TNRC6B: variants seen among roughly 807,000 people sequenced by gnomAD.
The protein encoded by TNRC6B is trinucleotide repeat containing adaptor 6B, also known as trinucleotide repeat-containing gene 6B protein.
A neutral mutation model predicts 203.6 loss-of-function variants in TNRC6B; 52 were observed. That is an observed-to-expected ratio of 0.26 (90% confidence interval 0.20 to 0.32). The LOEUF is 0.32. Ranked by LOEUF, TNRC6B falls within the 10% of genes least tolerant of loss-of-function variation. TNRC6B has a pLI of 1.00. For synonymous variants in TNRC6B, 838 were observed against 845.7 expected, an observed-to-expected ratio of 0.99 and a Z score of 0.16; for missense variants, 1,923 against 2,286.2, an observed-to-expected ratio of 0.84 and a Z score of 3.24.
chr22:40,228,234 C>G (rs1364184029), intron 1 of TNRC6B, among the ~76,000 whole-genome samples: 2 of 152,054 alleles, frequency 1.3e-5, no homozygotes, highest in East Asian at 3.9e-4. Context: ...TTGAGACCAG[C>G]CTGGCCAACA....
At chr22:40,162,549 T>G (rs975733170) in intron 4 of TNRC6B, among the ~76,000 whole-genome samples, 1 of 152,238 alleles carries the variant, frequency 6.6e-6, no homozygotes, top group Non-Finnish European at 1.5e-5. Flanking sequence ...TCATAGATTT[T>G]ATAGATAATC....
chr22:40,096,180 G>A (rs936868530), intron 1 of TNRC6B, among the ~76,000 whole-genome samples: 1 of 152,136 alleles, frequency 6.6e-6, no homozygotes, highest in Non-Finnish European at 1.5e-5. Flanking sequence ...AAAACTTTAT[G>A]AGACTTCAGA....
chr22:40,186,737 CAA>C (rs540875411), intron 1 of TNRC6B, among the ~76,000 whole-genome samples: 7 of 121,970 alleles, frequency 5.7e-5, no homozygotes, highest in Non-Finnish European at 1.7e-5. Context: ...GACTCCATCT[CAA>C]AAAAAAAAAA....
Position 40,265,383 on chromosome 22 carries a change from T to C in TNRC6B, c.1153T>C (p.Ser385Pro), listed in dbSNP as rs1180909188. The change falls in exon 5 of 23, where the codon TCA becomes CCA. Residue 385 changes from serine to proline, a missense_variant. Coordinates refer to ENST00000454349, the MANE Select transcript of TNRC6B (RefSeq NM_001162501.2). ...AAACACTAACTCCTTGAACTTAAGT[T>C]CACCAAACCCCATGGAGAATAAGGG... ...NGNTNSLNLS[S>P]PNPMENKGMP... is the part of the protein sequence containing the mutation. The C allele has an allele frequency of 1.2e-6, 2 of 1,613,846 alleles. No individual in the cohort carries two copies. The highest frequency in any genetic ancestry group is 1.7e-6 in the Non-Finnish European group (2 of 1,179,888).
chr22:40,072,575 T>G (rs2067960721), intron 1 of TNRC6B, among the ~76,000 whole-genome samples: 1 of 152,098 alleles, frequency 6.6e-6, no homozygotes, highest in Admixed American at 6.6e-5. Flanking sequence ...AGTCAAGAAC[T>G]GTCTTTGGCC....
Position 40,264,778 on chromosome 22 carries a change from C to T in TNRC6B, c.548C>T (p.Pro183Leu). The T allele has an allele frequency of 6.2e-7, 1 of 1,613,902 alleles. No individual in the cohort carries two copies. Among genetic ancestry groups the T allele is most frequent in the Non-Finnish European group, 8.5e-7 (1 of 1,179,852 alleles). Residue 183 changes from proline (P) to leucine (L), a missense_variant, in exon 5 of 23, where the codon CCA becomes CTA. By Grantham distance (98) the Pro-to-Leu change is moderately conservative. This residue lies in a region of TNRC6B where 614 missense variants were observed against 587.7 expected (regional missense o/e 1.04). Coordinates refer to ENST00000454349, the MANE Select transcript of TNRC6B (RefSeq NM_001162501.2). ...TCCAACAACGGCACCTCCCCCAACC[C>T]AATTCACATCTGGGACAAGGTGATT... ...ASSNNGTSPN[P>L]IHIWDKVIVD...
At chr22:40,187,035 TAA>T (rs896020867) in intron 1 of TNRC6B, among the ~76,000 whole-genome samples, 13 of 152,196 alleles carry the variant, frequency 8.5e-5, no homozygotes, top group African/African-American at 2.9e-4. Context: ...TTTCCAAACA[TAA>T]AAAAGTTTTC....
chr22:40,166,209 G>A (rs533525897), intron 4 of TNRC6B, among the ~76,000 whole-genome samples: 2 of 152,176 alleles, frequency 1.3e-5, no homozygotes, highest in Non-Finnish European at 2.9e-5. Flanking sequence ...TCCGGCTTTT[G>A]TGGGAATACT....
At chr22:40,088,367 A>T (rs146228682) in intron 1 of TNRC6B, among the ~76,000 whole-genome samples, 1 of 152,162 alleles carries the variant, frequency 6.6e-6, no homozygotes, top group African/African-American at 2.4e-5. Flanking sequence ...GAGCTTCTAC[A>T]TATTTTGATC....
At chr22:40,277,865 A>G (rs766009788) in intron 8 of TNRC6B, 134 bp from the exon 9 acceptor site, 5 of 681,926 alleles carry the variant, frequency 7.3e-6, no homozygotes, top group African/African-American at 7.1e-5. Flanking sequence ...TAATGTCTTC[A>G]GTACCATCAA....
chr22:40,198,862 G>A (rs911392401), intron 1 of TNRC6B, among the ~76,000 whole-genome samples: 1 of 152,096 alleles, frequency 6.6e-6, no homozygotes, highest in African/African-American at 2.4e-5. Flanking sequence ...AGTAGAGGGG[G>A]AGGGTGCCTG....
At chr22:40,200,392 T>C (rs2069396768) in intron 1 of TNRC6B, among the ~76,000 whole-genome samples, 1 of 144,318 alleles carries the variant, frequency 6.9e-6, no homozygotes, top group Admixed American at 7.2e-5. Context: ...GTTCAAGCGT[T>C]TCTCCTGCCT....
chr22:40,057,924 G>T (rs1022311871), intron 1 of TNRC6B, among the ~76,000 whole-genome samples: 2 of 152,190 alleles, frequency 1.3e-5, no homozygotes, highest in African/African-American at 4.8e-5. Flanking sequence ...AGACTTTCCT[G>T]TTAGATGTAC....
chr22:40,258,921 T>C (rs2070328757), intron 3 of TNRC6B, among the ~76,000 whole-genome samples: 1 of 152,162 alleles, frequency 6.6e-6, no homozygotes, highest in Non-Finnish European at 1.5e-5. Flanking sequence ...TTTTTCTGGA[T>C]TGAGTTAAAA....
At chr22:40,237,719 A>ATG (rs2069966793) in intron 1 of TNRC6B, among the ~76,000 whole-genome samples, 1 of 152,262 alleles carries the variant, frequency 6.6e-6, no homozygotes, top group East Asian at 1.9e-4. Flanking sequence ...CTCATCTCCC[A>ATG]GATGGCTTTC....
chr22:40,158,792 G>A (rs135631), intron 4 of TNRC6B, among the ~76,000 whole-genome samples: 152,216 of 152,352 alleles, frequency 1, 76,040 homozygotes, highest in African/African-American at 1. Flanking sequence ...GCAGAAATCA[G>A]TCGTCTCACA....
intron 12 of TNRC6B, among the ~76,000 whole-genome samples, chr22:40,299,029 CTT>C: frequency 6.6e-6 from 1 of 150,438 alleles, no homozygotes; most frequent in East Asian, 2.0e-4. Flanking sequence ...AATCACAACA[CTT>C]TGAGAGGATG....
chr22:40,204,019 T>G (rs1432292038), intron 1 of TNRC6B, among the ~76,000 whole-genome samples: 1 of 152,218 alleles, frequency 6.6e-6, no homozygotes, highest in Non-Finnish European at 1.5e-5. Context: ...TTTTCATCCC[T>G]ATTCGCTTCT....
At chr22:40,152,560 C>G (rs1486339480) in intron 3 of TNRC6B, among the ~76,000 whole-genome samples, 1 of 152,070 alleles carries the variant, frequency 6.6e-6, no homozygotes, top group Non-Finnish European at 1.5e-5. Flanking sequence ...GATCTCCTGA[C>G]CTTGTGATCC....
Sources: gnomAD v4.1 joint callset for allele counts (sites outside exome capture counted in the v4.1 genomes callset) on GRCh38, gnomAD v4.1.1 for gene constraint, gnomAD v4.1.1 regional missense constraint, MANE v1.5 for transcripts, NCBI Gene and HGNC (gene_info 2026-07-23, HGNC 2026-07-21) for gene names.